ARG2: variants seen among roughly 807,000 people sequenced by gnomAD.
The protein encoded by ARG2 is arginase 2.
In ARG2, 21 loss-of-function variants were observed where a neutral mutation model predicts 39.4. The ratio of observed to expected loss-of-function variants is 0.53; its 90% CI spans 0.38 to 0.77. The LOEUF (loss-of-function observed/expected upper bound fraction) is 0.77, where lower values mean the gene tolerates loss of function less well. ARG2 is among the 30% of genes least tolerant of loss of function. The pLI, the probability that ARG2 is intolerant of heterozygous loss-of-function variation, is 0.00. For synonymous variants in ARG2, 150 were observed against 156.7 expected (o/e 0.96, Z 0.32); for missense variants, 378 against 426.2 (o/e 0.89, Z 1.00).
At chr14:67,621,915 G>A (rs935573446) in intron 2 of ARG2, among the ~76,000 whole-genome samples, 2 of 151,882 alleles carry the variant, frequency 1.3e-5, no homozygotes, top group African/African-American at 4.8e-5. Context: ...TGACCAATAT[G>A]GCGAAATCCC....
chr14:67,626,925 G>A (rs2036872543), intron 2 of ARG2, among the ~76,000 whole-genome samples: 1 of 152,138 alleles, frequency 6.6e-6, no homozygotes, highest in Non-Finnish European at 1.5e-5. Context: ...CTACAACATG[G>A]ATGAACCTAG....
intron 2 of ARG2, among the ~76,000 whole-genome samples, chr14:67,621,702 C>T (rs565676962): frequency 7.4e-4 from 112 of 151,768 alleles, no homozygotes; most frequent in African/African-American, 2.6e-3. Context: ...ACCTCAGCTT[C>T]CCAAAGTGCT....
At chr14:67,633,831 A>G (rs1291313832) in intron 2 of ARG2, among the ~76,000 whole-genome samples, 1 of 152,122 alleles carries the variant, frequency 6.6e-6, no homozygotes, top group Middle Eastern at 3.2e-3. Flanking sequence ...CTCAGTAAGC[A>G]TTTCTTCCTC....
Position 67,648,119 on chromosome 14 carries a change from T to C in ARG2, c.795T>C (p.Thr265=). 1.2e-6 allele frequency: 2 copies of C among 1,614,038 alleles called. No individual in the cohort carries two copies. Among genetic ancestry groups the C allele is most frequent in the Non-Finnish European group, 1.7e-6 (2 of 1,179,920 alleles). ...CTACACTGGCTCCAGCCACAGGAACTCCTGTTGTCGGGGGACTAACCTATC... is the reference window on the plus strand; with the variant it reads ...CTACACTGGCTCCAGCCACAGGAACCCCTGTTGTCGGGGGACTAACCTATC... ...FDPTLAPATG[T]PVVGGLTYRE... is the part of the protein sequence containing the mutation. The change falls in exon 7 of 8, where the codon ACT becomes ACC. Residue 265 remains threonine, a synonymous_variant. Coordinates refer to ENST00000261783, the MANE Select transcript of ARG2 (RefSeq NM_001172.4).
At chr14:67,628,005 A>C (rs942809765) in intron 2 of ARG2, among the ~76,000 whole-genome samples, 4 of 152,196 alleles carry the variant, frequency 2.6e-5, no homozygotes, top group African/African-American at 7.2e-5. Context: ...TTTCCTTTAG[A>C]GATCTAGCAA....
intron 2 of ARG2, among the ~76,000 whole-genome samples, chr14:67,626,041 G>A (rs1439815294): frequency 6.6e-6 from 1 of 152,036 alleles, no homozygotes; most frequent in African/African-American, 2.4e-5. Context: ...ATCATTTCAG[G>A]TCAGGAGTTC....
At chr14:67,620,144 A>G (rs2036793077) in intron 1 of ARG2, 56 bp downstream of exon 1, 32 of 1,319,692 alleles carry the variant, frequency 2.4e-5, no homozygotes, top group Non-Finnish European at 3.2e-5. Context: ...TAGAACCTGG[A>G]GACAGCGGCG....
chr14:67,626,167 T>C (rs111600823), intron 2 of ARG2, among the ~76,000 whole-genome samples: 2,425 of 151,980 alleles, frequency 0.016, 75 homozygotes, highest in African/African-American at 0.055. Context: ...GGTGGGAGAA[T>C]CACTTGAACC....
intron 2 of ARG2, among the ~76,000 whole-genome samples, chr14:67,638,682 G>T: frequency 6.6e-6 from 1 of 152,210 alleles, no homozygotes; most frequent in Non-Finnish European, 1.5e-5. Flanking sequence ...TTGGGAGCAG[G>T]AAGGTAGGCC....
chr14:67,629,808 G>A (rs1364559814), intron 2 of ARG2, among the ~76,000 whole-genome samples: 1 of 152,218 alleles, frequency 6.6e-6, no homozygotes, highest in Non-Finnish European at 1.5e-5. Flanking sequence ...CCAAGGACTT[G>A]CGTTAGTGAA....
At chr14:67,648,212 T>TA (rs1406030785) in intron 7 of ARG2, 29 bp downstream of exon 7, 1 of 1,604,120 alleles carries the variant, frequency 6.2e-7, no homozygotes, top group East Asian at 2.2e-5. Flanking sequence ...TGCAGCCTGT[T>TA]AACTACATAG....
chr14:67,629,005 TGTG>T lies in ARG2; in HGVS notation c.184+8042_184+8044del, dbSNP rs544510088. Among the ~76,000 whole-genome samples the T allele has an allele frequency of 3.1e-3, 477 of 152,240 alleles. 3 individuals are homozygous for T. Among genetic ancestry groups the T allele is most frequent in the African/African-American group, 0.01 (435 of 41,544 alleles). On this transcript the variant is annotated intron_variant, in intron 2 of 7. Transcript: ENST00000261783. Reference sequence around the variant, plus strand: ...TTGATGGATGAATGGACAACCAAAATGTGGTACATACATATAATGGACTATCAT... The same window carrying T: ...TTGATGGATGAATGGACAACCAAAATGTACATACATATAATGGACTATCAT...
Position 67,651,355 on chromosome 14 carries a change from T to C in ARG2, c.*435T>C. 5.0e-6 allele frequency: 8 copies of C among 1,613,056 alleles called. No individual in the cohort carries two copies. The highest frequency in any genetic ancestry group is 6.8e-6 in the Non-Finnish European group (8 of 1,179,290). ...CATCATGCATTCACAAGGTCAAAGT[T>C]CTGGTCCACAAACCCTTCCCTATAG... On this transcript the variant is annotated 3_prime_UTR_variant, in exon 8 of 8. Coordinates refer to ENST00000261783, the MANE Select transcript of ARG2 (RefSeq NM_001172.4).
chr14:67,641,047 A>G (rs952726083), intron 2 of ARG2, among the ~76,000 whole-genome samples: 1 of 152,206 alleles, frequency 6.6e-6, no homozygotes, highest in African/African-American at 2.4e-5. Context: ...ATAACTGCCT[A>G]TCAGTAGCAT....
At chr14:67,623,498 G>T (rs1348757425) in intron 2 of ARG2, among the ~76,000 whole-genome samples, 1 of 148,522 alleles carries the variant, frequency 6.7e-6, no homozygotes, top group Non-Finnish European at 1.5e-5. Flanking sequence ...ATTTCCTTGG[G>T]CTTAGTAAGG....
intron 2 of ARG2, among the ~76,000 whole-genome samples, chr14:67,634,223 C>T (rs2036946845): frequency 6.6e-6 from 1 of 152,114 alleles, no homozygotes; most frequent in African/African-American, 2.4e-5. Flanking sequence ...TTAGAAGCCA[C>T]CTGGTCTCCC....
intron 2 of ARG2, among the ~76,000 whole-genome samples, chr14:67,625,154 C>T (rs1317677334): frequency 6.7e-6 from 1 of 148,318 alleles, no homozygotes; most frequent in Non-Finnish European, 1.5e-5. Context: ...TGGATATCCA[C>T]ATTAAAAAAA....
intron 2 of ARG2, among the ~76,000 whole-genome samples, chr14:67,631,452 T>TTC (rs2036918294): frequency 6.7e-6 from 1 of 149,730 alleles, no homozygotes; most frequent in Admixed American, 6.7e-5. Context: ...TTTTTTTTTT[T>TTC]TGAGACAGGG....
rs762374024 is a variant in ARG2, at chr14:67,648,026, T to C, written c.723-21T>C. ...CAGTTAAGTATTATTTTAAGTATTATTTTATCCTCTTCCTTTTTAGGAGAC... is the reference window on the plus strand; with the variant it reads ...CAGTTAAGTATTATTTTAAGTATTACTTTATCCTCTTCCTTTTTAGGAGAC... On this transcript the variant is annotated intron_variant, in intron 6 of 7. Transcript: ENST00000261783. The C allele has an allele frequency of 2.5e-6, 4 of 1,581,006 alleles. No individual in the cohort carries two copies. The South Asian group carries it at 3.4e-5, about 14-fold the overall frequency.
Sources: allele counts gnomAD v4.1 joint callset (sites outside exome capture counted in the v4.1 genomes callset), GRCh38; gene constraint gnomAD v4.1.1; transcripts MANE v1.5; gene names NCBI Gene and HGNC (gene_info 2026-07-23, HGNC 2026-07-21).